Variants in KCNT2 observed in about 807,000 individuals in gnomAD.
The protein encoded by KCNT2 is potassium sodium-activated channel subfamily T member 2.
Under a neutral mutation model 153.8 loss-of-function variants are expected in KCNT2, and 67 were observed. That is an observed-to-expected ratio of 0.44 (90% confidence interval 0.36 to 0.53). The LOEUF (loss-of-function observed/expected upper bound fraction) is 0.53, where lower values mean the gene tolerates loss of function less well. Among genes scored for constraint, KCNT2 ranks in the 20% least tolerant of loss-of-function variants. The pLI is 0.00. For synonymous variants in KCNT2, 500 were observed against 458.8 expected, an observed-to-expected ratio of 1.09 and a Z score of -1.15; for missense variants, 975 against 1,354.8, an observed-to-expected ratio of 0.72 and a Z score of 4.40.
rs1173083011 is a variant in KCNT2, at chr1:196,307,093, A to T, written c.2484-1748T>A. Among the ~76,000 whole-genome samples, 7 of 152,138 alleles carry T rather than the reference A, an allele frequency of 4.6e-5. No homozygotes were observed. The East Asian group carries it at 1.2e-3, about 25-fold the overall frequency. ...TTAATGTTAAAAATACAGTAATTTT[A>T]TTTGTGCAACTGATAACTTTTTCAA... On this transcript the variant is annotated intron_variant, in intron 21 of 27. Coordinates refer to ENST00000294725, the MANE Select transcript of KCNT2 (RefSeq NM_198503.5).
intron 1 of KCNT2, among the ~76,000 whole-genome samples, chr1:196,589,561 A>T (rs990806532): frequency 6.6e-6 from 1 of 152,110 alleles, no homozygotes; most frequent in African/African-American, 2.4e-5. Context: ...CAAACCAAAA[A>T]CCAATCCCTC....
chr1:196,242,244 A>C lies in KCNT2; in HGVS notation c.3212-6174T>G, dbSNP rs543092633. ...ACATTTATATTTAAATAGAATATTC[A>C]TTGCATGTCAACTAAAAGGTTTTAT... On this transcript the variant is annotated intron_variant, in intron 26 of 27. Transcript: ENST00000294725. 3.7e-4 allele frequency among the ~76,000 whole-genome samples: 56 copies of C among 152,272 alleles called. 1 individual carries two copies. The highest frequency in any genetic ancestry group is 3.4e-3 in the Middle Eastern group (1 of 294).
At chr1:196,523,032 C>T (rs1279508981) in intron 1 of KCNT2, among the ~76,000 whole-genome samples, 1 of 152,198 alleles carries the variant, frequency 6.6e-6, no homozygotes, top group Non-Finnish European at 1.5e-5. Flanking sequence ...CACAATAAAC[C>T]TTGCCGCTGC....
In KCNT2 at chr1:196,425,848, C is replaced by G; in HGVS notation, c.1121+4G>C. ...GCTGCAAGATGAAAGGCAGGGATAC[C>G]TACTTTGCTCTCAATAGGTCTTGAT... is the stretch of plus-strand genomic sequence containing the variant. On this transcript the variant is annotated splice_donor_region_variant and intron_variant, in intron 11 of 27. Transcript: ENST00000294725. 6.2e-7 allele frequency: 1 copy of G among 1,611,090 alleles called. No homozygotes were observed. Among genetic ancestry groups the G allele is most frequent in the South Asian group, 1.1e-5 (1 of 90,788 alleles).
chr1:196,453,299 T>C (rs981047012), intron 8 of KCNT2, among the ~76,000 whole-genome samples: 3 of 151,826 alleles, frequency 2.0e-5, no homozygotes, highest in Non-Finnish European at 2.9e-5. Context: ...TTGAGGACTT[T>C]GGCTCAGGTG....
chr1:196,364,154 C>A (rs1174194372), intron 14 of KCNT2, among the ~76,000 whole-genome samples: 1 of 152,056 alleles, frequency 6.6e-6, no homozygotes, highest in Non-Finnish European at 1.5e-5. Context: ...GTGTTAACCC[C>A]TTCTTTTGAT....
At chr1:196,389,140 T>C (rs1429460082) in intron 13 of KCNT2, among the ~76,000 whole-genome samples, 2 of 151,782 alleles carry the variant, frequency 1.3e-5, no homozygotes, top group Non-Finnish European at 3.0e-5. Flanking sequence ...GGTGAACTGC[T>C]CTGATTTTAA....
chr1:196,397,817 A>G (rs1295795245), intron 13 of KCNT2, among the ~76,000 whole-genome samples: 2 of 151,508 alleles, frequency 1.3e-5, no homozygotes, highest in East Asian at 3.9e-4. Flanking sequence ...GCTAAAATGT[A>G]TTACATTTTA....
chr1:196,405,660 C>T (rs968224478), intron 12 of KCNT2, among the ~76,000 whole-genome samples: 3 of 151,476 alleles, frequency 2.0e-5, no homozygotes. Context: ...CGTGATAAAA[C>T]ATTGGTTTGA....
chr1:196,260,531 C>A (rs1656914250), intron 25 of KCNT2, among the ~76,000 whole-genome samples: 1 of 151,646 alleles, frequency 6.6e-6, no homozygotes, highest in Non-Finnish European at 1.5e-5. Context: ...CTGTAAGAAT[C>A]TCATCTTTTT....
Position 196,226,429 on chromosome 1 carries a change from T to C in KCNT2, c.*1795A>G, listed in dbSNP as rs917658988. On this transcript the variant is annotated 3_prime_UTR_variant, in exon 28 of 28. Transcript: ENST00000294725. ...AAATATATTTCACGTTTATAACATA[T>C]ACACATATATGCATACAATCTTTAA... The C allele has an allele frequency of 1.3e-5, 2 of 152,064 alleles. No homozygotes were observed. Among genetic ancestry groups the C allele is most frequent in the Admixed American group, 6.5e-5 (1 of 15,272 alleles). The allele number at this position is 152,064 out of a possible 1,614,324, so 9.4% of individuals were successfully genotyped here.
chr1:196,408,599 G>T (rs529658045), intron 12 of KCNT2, among the ~76,000 whole-genome samples: 9 of 151,328 alleles, frequency 5.9e-5, no homozygotes, highest in African/African-American at 9.7e-5. Flanking sequence ...AATTTAATGC[G>T]TTGCATTTTC....
At chr1:196,237,685 C>A (rs980252260) in intron 26 of KCNT2, among the ~76,000 whole-genome samples, 1 of 151,730 alleles carries the variant, frequency 6.6e-6, no homozygotes, top group Admixed American at 6.6e-5. Context: ...ATGTGATATA[C>A]TTACACTAAA....
At chr1:196,299,832 A>G (rs1201684194) in intron 22 of KCNT2, among the ~76,000 whole-genome samples, 2 of 152,192 alleles carry the variant, frequency 1.3e-5, no homozygotes, top group Admixed American at 1.3e-4. Flanking sequence ...TAGAATGGCC[A>G]AGATATGGAA....
chr1:196,440,940 A>G (rs1675170667), intron 8 of KCNT2, among the ~76,000 whole-genome samples: 2 of 151,842 alleles, frequency 1.3e-5, no homozygotes, highest in South Asian at 4.1e-4. Flanking sequence ...AGTACGGTCT[A>G]TACATACAGA....
At chr1:196,285,435 G>C (rs1443311711) in intron 23 of KCNT2, among the ~76,000 whole-genome samples, 1 of 152,046 alleles carries the variant, frequency 6.6e-6, no homozygotes, top group Non-Finnish European at 1.5e-5. Context: ...AAGAATGCCT[G>C]AAATAATTTC....
At chr1:196,455,698 CTTCTT>C (rs1345299010) in intron 8 of KCNT2, among the ~76,000 whole-genome samples, 1 of 151,732 alleles carries the variant, frequency 6.6e-6, no homozygotes, top group African/African-American at 2.4e-5. Flanking sequence ...TTGTTTTTCC[CTTCTT>C]TTATTATTGG....
chr1:196,523,252 C>T (rs1041883872), intron 1 of KCNT2, among the ~76,000 whole-genome samples: 3 of 152,146 alleles, frequency 2.0e-5, no homozygotes, highest in Non-Finnish European at 4.4e-5. Flanking sequence ...GAAGAAACTC[C>T]AGACACATCT....
rs1313914815 is a variant in KCNT2 at position 196,228,103 on chromosome 1, G to T, written c.*121C>A. ...AATGATCTATACTTCTAAGAGAAGA[G>T]ATTACGTTTTTAAATATGAGAGAAT... On this transcript the variant is annotated 3_prime_UTR_variant, in exon 28 of 28. Coordinates refer to ENST00000294725, the MANE Select transcript of KCNT2 (RefSeq NM_198503.5). 4.0e-5 allele frequency: 25 copies of T among 620,880 alleles called. No individual in the cohort carries two copies. The highest frequency in any genetic ancestry group is 3.8e-4 in the Admixed American group (13 of 33,906). 38.5% of individuals were successfully genotyped at this position (620,880 alleles called of 1,614,324 possible). A position where few individuals can be genotyped will look rare whatever the true frequency, so the allele number is the denominator to read the frequency against.
Sources: allele counts gnomAD v4.1 joint callset (sites outside exome capture counted in the v4.1 genomes callset), GRCh38; gene constraint gnomAD v4.1.1; transcripts MANE v1.5; gene names NCBI Gene and HGNC (gene_info 2026-07-23, HGNC 2026-07-21).